TMLHE: variants seen among roughly 807,000 people sequenced by gnomAD.
TMLHE encodes trimethyllysine hydroxylase, epsilon.
Under a neutral mutation model 25.7 loss-of-function variants are expected in TMLHE, and 18 were observed. That is an observed-to-expected ratio of 0.70 (90% CI 0.48 to 1.04). The LOEUF is 1.04. Ranked by LOEUF, TMLHE falls within the 50% of genes least tolerant of loss-of-function variation. The pLI is 0.00. For synonymous variants in TMLHE, 105 were observed against 97.0 expected, an observed-to-expected ratio of 1.08 and a Z score of -0.49; for missense variants, 236 against 259.0, an observed-to-expected ratio of 0.91 and a Z score of 0.61.
At chrX:155,531,553 A>G (rs1270355715) in intron 2 of TMLHE, among the ~76,000 whole-genome samples, 2 of 111,606 alleles carry the variant, frequency 1.8e-5, no homozygotes, top group East Asian at 5.6e-4. Flanking sequence ...CCCCATTTCT[A>G]ACATTGCAGA....
intron 6 of TMLHE, among the ~76,000 whole-genome samples, chrX:155,504,495 G>A (rs1249284081): frequency 9.5e-6 from 1 of 105,088 alleles, no homozygotes; most frequent in Non-Finnish European, 2.0e-5. Flanking sequence ...TAATGAGTGA[G>A]TTCTCCCTCT....
At chrX:155,512,274 A>G (rs6642272) in intron 4 of TMLHE, among the ~76,000 whole-genome samples, 1,285 of 103,183 alleles carry the variant, frequency 0.012, 25 homozygotes, top group African/African-American at 0.037. Flanking sequence ...CCACTAACTC[A>G]TCATCTAGCA....
At chrX:155,527,349 T>A (rs2067225728) in intron 2 of TMLHE, among the ~76,000 whole-genome samples, 1 of 111,844 alleles carries the variant, frequency 8.9e-6, no homozygotes, top group South Asian at 3.7e-4. Flanking sequence ...TGGTAAGACA[T>A]GCTTGCTTGC....
At chrX:155,583,019 G>T (rs781924166) in intron 1 of TMLHE, among the ~76,000 whole-genome samples, 91 of 112,038 alleles carry the variant, frequency 8.1e-4, no homozygotes, top group African/African-American at 2.2e-3. Flanking sequence ...CATGTCCTTT[G>T]TAGGGACCTG....
intron 4 of TMLHE, among the ~76,000 whole-genome samples, chrX:155,512,341 C>T (rs2067121761): frequency 1.0e-5 from 1 of 98,094 alleles, no homozygotes; most frequent in Non-Finnish European, 2.0e-5. Context: ...ACAACAGTCC[C>T]CAGAGTGTGA....
At chrX:155,581,878 C>G (rs782446427) in intron 1 of TMLHE, among the ~76,000 whole-genome samples, 1 of 111,862 alleles carries the variant, frequency 8.9e-6, no homozygotes, top group East Asian at 2.8e-4. Flanking sequence ...CAATCCTAAG[C>G]AAAAAGAACA....
At chrX:155,544,659 C>A (rs1359240852) in intron 2 of TMLHE, among the ~76,000 whole-genome samples, 3 of 111,936 alleles carry the variant, frequency 2.7e-5, no homozygotes, top group Non-Finnish European at 5.6e-5. Flanking sequence ...TTCTGTGGTT[C>A]TAACATTCCT....
intron 1 of TMLHE, among the ~76,000 whole-genome samples, chrX:155,580,154 A>G (rs1440638998): frequency 1.8e-5 from 2 of 111,660 alleles, no homozygotes; most frequent in Non-Finnish European, 1.9e-5. Context: ...AAGAAAACAA[A>G]TAACTCCATT....
chrX:155,512,554 A>T (rs955057734), intron 4 of TMLHE, among the ~76,000 whole-genome samples: 12 of 110,546 alleles, frequency 1.1e-4, no homozygotes, highest in Admixed American at 2.9e-4. Context: ...ACATTTTCTT[A>T]ATCCAGTCTA....
intron 2 of TMLHE, among the ~76,000 whole-genome samples, chrX:155,525,395 C>T (rs1245616598): frequency 8.9e-6 from 1 of 112,304 alleles, no homozygotes; most frequent in Non-Finnish European, 1.9e-5. Flanking sequence ...GCCATGCTTA[C>T]TGTACAGCCT....
chrX:155,570,553 A>G lies in TMLHE; in HGVS notation c.-1-25276T>C, dbSNP rs1448998482. On this transcript the variant is annotated intron_variant, in intron 1 of 7. Transcript: ENST00000334398. ...ATACATTTTTTTTCAGCACCACACC[A>G]CATCTATTCCAAAATTGACCACATA... Among the ~76,000 whole-genome samples the G allele has an allele frequency of 1.4e-4, 8 of 56,717 alleles. 2 individuals are homozygous for G. The highest frequency in any genetic ancestry group is 3.4e-4 in the African/African-American group (8 of 23,530). The allele number at this position is 56,717 out of a possible 115,157, so 49.3% of individuals were successfully genotyped here.
intron 1 of TMLHE, among the ~76,000 whole-genome samples, chrX:155,600,352 T>C (rs2067748760): frequency 8.9e-6 from 1 of 112,304 alleles, no homozygotes; most frequent in East Asian, 2.8e-4. Context: ...ATTTAATTTT[T>C]CCTTTAAATT....
At chrX:155,610,061 T>A (rs2067809946) in intron 1 of TMLHE, among the ~76,000 whole-genome samples, 1 of 112,066 alleles carries the variant, frequency 8.9e-6, no homozygotes. Flanking sequence ...TGAAAACGAA[T>A]GTCCACCCAA....
chrX:155,539,012 G>T (rs1395171065), intron 2 of TMLHE, among the ~76,000 whole-genome samples: 1 of 111,347 alleles, frequency 9.0e-6, no homozygotes, highest in African/African-American at 3.3e-5. Context: ...ATTCAGAAAT[G>T]AGTTAAAAGG....
At chrX:155,511,006 A>G (rs1237509382) in intron 5 of TMLHE, among the ~76,000 whole-genome samples, 3 of 111,370 alleles carry the variant, frequency 2.7e-5, no homozygotes, top group Admixed American at 9.6e-5. Context: ...GCCAGTAATG[A>G]TGAGCATTTT....
chrX:155,546,635 A>G (rs1305460765), intron 1 of TMLHE, among the ~76,000 whole-genome samples: 5 of 111,492 alleles, frequency 4.5e-5, no homozygotes, highest in Non-Finnish European at 9.4e-5. Flanking sequence ...AGCTAGAGAT[A>G]TAATAGAATT....
intron 6 of TMLHE, among the ~76,000 whole-genome samples, chrX:155,506,443 G>C (rs2067076592): frequency 9.0e-6 from 1 of 111,183 alleles, no homozygotes; most frequent in African/African-American, 3.3e-5. Flanking sequence ...GGAGAAGTAG[G>C]TTTAAAATGA....
chrX:155,554,114 C>T (rs914051186), intron 1 of TMLHE, among the ~76,000 whole-genome samples: 9 of 109,981 alleles, frequency 8.2e-5, no homozygotes, highest in Non-Finnish European at 1.7e-4. Flanking sequence ...TCAAGATCCT[C>T]ACCTCAGCCT....
At chrX:155,574,874 G>A (rs2067580176) in intron 1 of TMLHE, among the ~76,000 whole-genome samples, 1 of 111,773 alleles carries the variant, frequency 8.9e-6, no homozygotes, top group South Asian at 3.7e-4. Context: ...GAATCAACAA[G>A]CTTAAAGATA....
Sources: gnomAD v4.1 joint callset for allele counts (sites outside exome capture counted in the v4.1 genomes callset) on GRCh38, gnomAD v4.1.1 for gene constraint, MANE v1.5 for transcripts, NCBI Gene and HGNC (gene_info 2026-07-23, HGNC 2026-07-21) for gene names.